SLC43A1: variants seen among roughly 807,000 people sequenced by gnomAD.
The protein encoded by SLC43A1 is solute carrier family 43 member 1, also known as large neutral amino acids transporter small subunit 3.
SLC43A1 carries 31 observed loss-of-function variants against 59.5 expected under a neutral mutation model. The ratio of observed to expected loss-of-function variants is 0.52; its 90% CI spans 0.39 to 0.70. The LOEUF (loss-of-function observed/expected upper bound fraction) is 0.70, where lower values mean the gene tolerates loss of function less well. Ranked by LOEUF, SLC43A1 falls within the 30% of genes least tolerant of loss-of-function variation. The pLI is 0.00. For synonymous variants in SLC43A1, 259 were observed against 290.9 expected, an observed-to-expected ratio of 0.89 and a Z score of 1.12; for missense variants, 598 against 717.8, an observed-to-expected ratio of 0.83 and a Z score of 1.91.
intron 2 of SLC43A1, 115 bp downstream of exon 2, chr11:57,513,843 G>A: frequency 2.5e-6 from 2 of 792,664 alleles, no homozygotes; most frequent in African/African-American, 1.7e-5. Context: ...GAGAAGTGAG[G>A]CTGTCCAACT....
intron 8 of SLC43A1, 55 bp from the exon 9 acceptor site, chr11:57,491,917 T>G (rs1161308703): frequency 6.4e-7 from 1 of 1,565,766 alleles, no homozygotes; most frequent in Non-Finnish European, 8.7e-7. Context: ...TGCCCTCTGA[T>G]TGTCCCAGCT....
intron 7 of SLC43A1, 37 bp from the exon 8 acceptor site, chr11:57,494,208 C>T: frequency 6.3e-7 from 1 of 1,588,982 alleles, no homozygotes; most frequent in Non-Finnish European, 8.5e-7. Context: ...AGGAACCAGT[C>T]ACACAGAGCC....
intron 8 of SLC43A1, among the ~76,000 whole-genome samples, chr11:57,493,475 G>A (rs1943992099): frequency 6.6e-6 from 1 of 152,178 alleles, no homozygotes; most frequent in South Asian, 2.1e-4. Context: ...TGGAGAGCAG[G>A]ACTCAAACTC....
chr11:57,486,403 G>A (rs562327513), intron 14 of SLC43A1, among the ~76,000 whole-genome samples: 12 of 152,150 alleles, frequency 7.9e-5, no homozygotes, highest in African/African-American at 1.2e-4. Context: ...GGCTGGGGCC[G>A]GAGGATCGCT....
At chr11:57,499,879 C>T (rs1332905529) in intron 5 of SLC43A1, among the ~76,000 whole-genome samples, 1 of 151,930 alleles carries the variant, frequency 6.6e-6, no homozygotes, top group Admixed American at 6.6e-5. Context: ...CCAAGTTGCA[C>T]AGCAGGGAGA....
In SLC43A1 at chr11:57,497,745, C is replaced by A. The variant is rs749771090; in HGVS notation, c.558+8G>T. On this transcript the variant is annotated splice_region_variant and intron_variant, in intron 6 of 14. Transcript: ENST00000278426. ...CAAGACAAAAAGAAAACCCAGGTGG[C>A]CTCATACCTTGATTCCTGGGAACGT... The A allele has an allele frequency of 3.7e-6, 6 of 1,610,800 alleles. No individual in the cohort carries two copies. In the South Asian group the frequency reaches 5.5e-5, roughly 15 times the overall value.
chr11:57,504,697 G>C (rs1175383735), intron 2 of SLC43A1, among the ~76,000 whole-genome samples: 1 of 152,186 alleles, frequency 6.6e-6, no homozygotes, highest in Non-Finnish European at 1.5e-5. Context: ...GCACCAAAGG[G>C]CCTCTGTGTT....
rs574916285 is a variant in SLC43A1, at chr11:57,511,510, T to C, written c.154+2448A>G. Among the ~76,000 whole-genome samples, 204 of 152,130 alleles carry C rather than the reference T, an allele frequency of 1.3e-3. 1 individual carries two copies. Among genetic ancestry groups the C allele is most frequent in the African/African-American group, 4.8e-3 (201 of 41,524 alleles). Reference sequence around the variant, plus strand: ...AGGCTGGAGTATAGTGGCACAATCATAGCTCACTGCACATTCAAACTCCTG... The same window carrying C: ...AGGCTGGAGTATAGTGGCACAATCACAGCTCACTGCACATTCAAACTCCTG... On this transcript the variant is annotated intron_variant, in intron 2 of 14. Transcript: ENST00000278426.
intron 2 of SLC43A1, among the ~76,000 whole-genome samples, chr11:57,509,406 G>A (rs995668116): frequency 6.6e-6 from 1 of 151,906 alleles, no homozygotes; most frequent in Non-Finnish European, 1.5e-5. Flanking sequence ...TGGCCAATGT[G>A]GTGAAACCCC....
In SLC43A1 at chr11:57,514,268, G is replaced by A. The variant is rs1944625682; in HGVS notation, c.-13-144C>T. The A allele has an allele frequency of 2.0e-6, 2 of 1,004,454 alleles. No homozygotes were observed. The highest frequency in any genetic ancestry group is 1.6e-5 in the African/African-American group (1 of 60,980). 62.2% of individuals were successfully genotyped at this position (1,004,454 alleles called of 1,614,324 possible). ...CCATAGAGCCCTGGGCTTCCCAGCC[G>A]GTGCCAAGGAGCTGGCTCCGCGCGC... On this transcript the variant is annotated intron_variant, in intron 1 of 14. Transcript: ENST00000278426. The surrounding 1 kb of genome is among the most constrained non-coding windows in gnomAD (Gnocchi z 5.5).
At position 57,491,888 on chromosome 11, in the gene SLC43A1, T is replaced by G. The variant is rs190774372; in HGVS notation, c.872-26A>C. Reference sequence around the variant, plus strand: ...CTGGGGAGACAGCAGGGGGCGCCCCTGAGCCCCAGACCTTCCACTGCCCTC... The same window carrying G: ...CTGGGGAGACAGCAGGGGGCGCCCCGGAGCCCCAGACCTTCCACTGCCCTC... On this transcript the variant is annotated intron_variant, in intron 8 of 14. Transcript: ENST00000278426. 7.1e-5 allele frequency: 114 copies of G among 1,610,946 alleles called. No individual in the cohort carries two copies. The Middle Eastern group carries it at 1.2e-3, about 17-fold the overall frequency.
chr11:57,514,811 C>A lies in SLC43A1; in HGVS notation c.-14+633G>T, dbSNP rs1468130978. 9.1e-6 allele frequency: 9 copies of A among 985,602 alleles called. No individual in the cohort carries two copies. Among genetic ancestry groups the A allele is most frequent in the Non-Finnish European group, 1.1e-5 (9 of 830,112 alleles). The allele number at this position is 985,602 out of a possible 1,614,324, so 61.1% of individuals were successfully genotyped here. ...AGGGCTCGGGGCACCAGGCTTTGCACCTCGGAACCCGCTTGCCCCCCTCCA... is the reference window on the plus strand; with the variant it reads ...AGGGCTCGGGGCACCAGGCTTTGCAACTCGGAACCCGCTTGCCCCCCTCCA... On this transcript the variant is annotated intron_variant, in intron 1 of 14. Coordinates refer to ENST00000278426, the MANE Select transcript of SLC43A1 (RefSeq NM_003627.6). This position sits in a 1 kb window ranked among gnomAD's most constrained non-coding sequence, Gnocchi z 5.5.
At chr11:57,492,295 T>C (rs970766631) in intron 8 of SLC43A1, among the ~76,000 whole-genome samples, 8 of 141,542 alleles carry the variant, frequency 5.7e-5, no homozygotes, top group African/African-American at 1.8e-4. Flanking sequence ...AAAATATATA[T>C]ATATGAAATA....
In SLC43A1 at chr11:57,514,081, T is replaced by G. The variant is rs776706725; in HGVS notation, c.31A>C (p.Arg11=). The stretch of plus-strand genomic sequence containing the variant: ...GCCGTGCAGGCCATCCACCAGCGCC[T>G]CCGGTACGCCTGTTGCAGCGTGGGG... MAPTLQQAYR[R]RWWMACTAVL... Residue 11 remains arginine (R), a synonymous_variant, in exon 2 of 15, where the codon AGG becomes CGG. Transcript: ENST00000278426. The surrounding 1 kb of genome is among the most constrained non-coding windows in gnomAD (Gnocchi z 5.5). 3 of 1,602,812 alleles carry G rather than the reference T, an allele frequency of 1.9e-6. No individual in the cohort carries two copies. Among genetic ancestry groups the G allele is most frequent in the Non-Finnish European group, 1.7e-6 (2 of 1,174,898 alleles).
At chr11:57,497,730 A>G in intron 6 of SLC43A1, 23 bp downstream of exon 6, 1 of 1,601,480 alleles carries the variant, frequency 6.2e-7, no homozygotes, top group South Asian at 1.1e-5. Context: ...CAAGACAAAA[A>G]GAAAACCCAG....
At position 57,489,320 on chromosome 11, in the gene SLC43A1, G is replaced by A. The variant is rs1943833823; in HGVS notation, c.1266C>T (p.Ala422=). ...CAAGCAGCAGGTTGGTCAGGGTGAA[G>A]GCACTGATGGCATTGGTGAGCTTTT... is the stretch of plus-strand genomic sequence containing the variant. ...KIQKLTNAIS[A]FTLTNLLLVG... Residue 422 remains alanine (A), a synonymous_variant, in exon 12 of 15, where the codon GCC becomes GCT. Coordinates refer to ENST00000278426, the MANE Select transcript of SLC43A1 (RefSeq NM_003627.6). 1 of 1,614,048 alleles carries A rather than the reference G, an allele frequency of 6.2e-7. No individual in the cohort carries two copies. The highest frequency in any genetic ancestry group is 1.7e-5 in the Admixed American group (1 of 60,004).
chr11:57,514,199 CGAGACCTCTCGGGCCAGCCCGCGAG>C lies in SLC43A1; in HGVS notation c.-13-100_-13-76del. On this transcript the variant is annotated intron_variant, in intron 1 of 14. Transcript: ENST00000278426. The surrounding 1 kb of genome is among the most constrained non-coding windows in gnomAD (Gnocchi z 5.5). ...AAGGGTCCTGCATCATGGTGGCACC[CGAGACCTCTCGGGCCAGCCCGCGAG>C]GAGCCCCTCATGGAGGCCCCATAGA... The C allele has an allele frequency of 6.9e-7, 1 of 1,452,862 alleles. No individual in the cohort carries two copies. Among genetic ancestry groups the C allele is most frequent in the Non-Finnish European group, 9.0e-7 (1 of 1,107,690 alleles). The allele number at this position is 1,452,862 out of a possible 1,614,324, so 90.0% of individuals were successfully genotyped here.
rs1275805424 is a variant in SLC43A1 at position 57,491,869 on chromosome 11, A to G, written c.872-7T>C. The G allele has an allele frequency of 1.2e-6, 2 of 1,613,238 alleles. No homozygotes were observed. The highest frequency in any genetic ancestry group is 1.3e-5 in the African/African-American group (1 of 74,894). ...TTGCGTAAGGGGACAGACCCTGGGG[A>G]GACAGCAGGGGGCGCCCCTGAGCCC... On this transcript the variant is annotated splice_region_variant and splice_polypyrimidine_tract_variant and intron_variant, in intron 8 of 14. Coordinates refer to ENST00000278426, the MANE Select transcript of SLC43A1 (RefSeq NM_003627.6).
At chr11:57,512,600 G>A (rs970990876) in intron 2 of SLC43A1, among the ~76,000 whole-genome samples, 2 of 151,800 alleles carry the variant, frequency 1.3e-5, no homozygotes, top group African/African-American at 4.8e-5. Flanking sequence ...GGCAGGCAGG[G>A]TCTCTCCTAT....
Sources: allele counts gnomAD v4.1 joint callset (sites outside exome capture counted in the v4.1 genomes callset), GRCh38; gene constraint gnomAD v4.1.1; non-coding constraint Gnocchi (gnomAD v3.1); transcripts MANE v1.5; gene names NCBI Gene and HGNC (gene_info 2026-07-23, HGNC 2026-07-21).